The following AK9 variants were observed in gnomAD, a reference collection of about 807,000 sequenced individuals.
AK9 encodes adenylate kinase domain containing 1.
In AK9, 191 loss-of-function variants were observed where a neutral mutation model predicts 239.6. The observed-to-expected ratio is 0.80, with a 90% confidence interval of 0.71 to 0.90. The LOEUF (loss-of-function observed/expected upper bound fraction) is 0.90, where lower values mean the gene tolerates loss of function less well. Among genes scored for constraint, AK9 ranks in the 40% least tolerant of loss-of-function variants. The pLI is 0.00. For synonymous variants in AK9, 689 were observed against 721.0 expected, an observed-to-expected ratio of 0.96 and a Z score of 0.71; for missense variants, 1,995 against 2,214.7, an observed-to-expected ratio of 0.90 and a Z score of 1.99.
At position 109,541,911 on chromosome 6, in the gene AK9, T is replaced by C. The variant is rs1782946002; in HGVS notation, c.3350+136A>G. 4 of 753,980 alleles carry C rather than the reference T, an allele frequency of 5.3e-6. No homozygotes were observed. In the South Asian group the frequency reaches 9.5e-5, roughly 18 times the overall value. 46.7% of individuals were successfully genotyped at this position (753,980 alleles called of 1,614,324 possible). A position where few individuals can be genotyped will look rare whatever the true frequency, so the allele number is the denominator to read the frequency against. On this transcript the variant is annotated intron_variant, in intron 27 of 40. Coordinates refer to ENST00000424296, the MANE Select transcript of AK9 (RefSeq NM_001145128.3). ...ACTCTACAGATGTTTTTAATGTGTA[T>C]CTCAAGTGAAAAATCACCAGCTTAC...
intron 31 of AK9, among the ~76,000 whole-genome samples, chr6:109,514,829 C>T (rs1396091888): frequency 6.6e-6 from 1 of 152,180 alleles, no homozygotes; most frequent in Non-Finnish European, 1.5e-5. Context: ...CCCTTACCTC[C>T]TCAATTTCTG....
chr6:109,501,143 G>T (rs1338314367), intron 35 of AK9, among the ~76,000 whole-genome samples: 2 of 152,184 alleles, frequency 1.3e-5, no homozygotes, highest in Admixed American at 6.5e-5. Context: ...TTCATAAAAA[G>T]ACTGTAAATA....
chr6:109,669,408 A>T (rs1801749120), intron 5 of AK9, among the ~76,000 whole-genome samples: 1 of 152,014 alleles, frequency 6.6e-6, no homozygotes, highest in Admixed American at 6.6e-5. Context: ...TGCCCTGGCC[A>T]GAACTTCCAA....
chr6:109,659,011 C>T (rs1411137771), intron 7 of AK9, among the ~76,000 whole-genome samples: 1 of 152,096 alleles, frequency 6.6e-6, no homozygotes, highest in Admixed American at 6.6e-5. Context: ...AATGTAGAGA[C>T]ACGTCTATGC....
intron 17 of AK9, among the ~76,000 whole-genome samples, chr6:109,604,064 A>G (rs1969711): frequency 0.58 from 88,457 of 151,880 alleles, 27,431 homozygotes; most frequent in East Asian, 0.84. Context: ...TGCTCGGTGC[A>G]CTGCCCCCAC....
At chr6:109,543,594 T>A (rs1412345539) in intron 26 of AK9, among the ~76,000 whole-genome samples, 2 of 151,942 alleles carry the variant, frequency 1.3e-5, no homozygotes, top group Non-Finnish European at 2.9e-5. Flanking sequence ...ATTACAGGCA[T>A]GTGTCACCAC....
chr6:109,656,944 C>A, intron 7 of AK9, 60 bp from the exon 8 acceptor site: 1 of 1,577,466 alleles, frequency 6.3e-7, no homozygotes, highest in South Asian at 1.1e-5. Flanking sequence ...AATTTACAAG[C>A]CATATTCCCC....
chr6:109,674,150 T>C (rs539237450), intron 3 of AK9, 48 bp downstream of exon 3: 52 of 1,425,434 alleles, frequency 3.6e-5, no homozygotes, highest in Middle Eastern at 2.4e-4. Flanking sequence ...TTTATGAATA[T>C]TTGAAAGTTT....
chr6:109,512,596 A>G (rs571522085), intron 32 of AK9, among the ~76,000 whole-genome samples: 6 of 152,198 alleles, frequency 3.9e-5, no homozygotes, highest in Non-Finnish European at 7.4e-5. Context: ...GAAGAGCTGG[A>G]ACATAAAATT....
chr6:109,494,191 T>G (rs1776803813), intron 39 of AK9, 96 bp from the exon 40 acceptor site: 1 of 810,554 alleles, frequency 1.2e-6, no homozygotes. Flanking sequence ...TTTCTTTGCC[T>G]CAAATAGCCC....
In AK9 at chr6:109,546,144, G is replaced by A. The variant is rs755679542; in HGVS notation, c.2965-17C>T. The A allele has an allele frequency of 3.8e-6, 3 of 781,952 alleles. No individual in the cohort carries two copies. Among genetic ancestry groups the A allele is most frequent in the Non-Finnish European group, 3.9e-6 (2 of 508,778 alleles). 48.4% of individuals were successfully genotyped at this position (781,952 alleles called of 1,614,324 possible). ...TGGAGGAGCCTGTCACAGGGGGTGG[G>A]TCAGGGAGGGGTGGGATAAAGGGAG... On this transcript the variant is annotated splice_polypyrimidine_tract_variant and intron_variant, in intron 25 of 40. Transcript: ENST00000424296.
chr6:109,617,863 G>A (rs936250134), intron 13 of AK9, among the ~76,000 whole-genome samples: 7 of 152,108 alleles, frequency 4.6e-5, no homozygotes, highest in African/African-American at 1.7e-4. Context: ...CAGTAAAGAA[G>A]AGCACATTTA....
At chr6:109,660,232 G>A (rs1288456654) in intron 6 of AK9, among the ~76,000 whole-genome samples, 2 of 152,130 alleles carry the variant, frequency 1.3e-5, no homozygotes, top group Non-Finnish European at 2.9e-5. Flanking sequence ...GTTTGAGGTT[G>A]TAAATTGTGC....
At chr6:109,541,004 T>G (rs536357918) in intron 27 of AK9, among the ~76,000 whole-genome samples, 1 of 152,376 alleles carries the variant, frequency 6.6e-6, no homozygotes, top group South Asian at 2.1e-4. Context: ...ATGTGCTACC[T>G]GTTAGAGACC....
intron 17 of AK9, among the ~76,000 whole-genome samples, chr6:109,589,759 G>C (rs556373119): frequency 6.6e-6 from 1 of 151,904 alleles, no homozygotes; most frequent in Non-Finnish European, 1.5e-5. Context: ...GTTGGGTAAG[G>C]GTTTTTATTA....
chr6:109,575,496 T>G (rs1296936210), intron 20 of AK9, among the ~76,000 whole-genome samples: 2 of 152,198 alleles, frequency 1.3e-5, no homozygotes, highest in African/African-American at 2.4e-5. Flanking sequence ...AACTGTCTAT[T>G]CATGTTCTTA....
Position 109,493,240 on chromosome 6 carries a change from C to T in AK9, c.*129G>A. The T allele has an allele frequency of 1.1e-6, 1 of 896,042 alleles. No individual in the cohort carries two copies. Among genetic ancestry groups the T allele is most frequent in the South Asian group, 1.7e-5 (1 of 59,072 alleles). The allele number at this position is 896,042 out of a possible 1,614,324, so 55.5% of individuals were successfully genotyped here. ...ACCTTTGAGTTCACCTGAAGTCTGG[C>T]AGCCATGGTACCTTGCTCAGGAGGC... On this transcript the variant is annotated 3_prime_UTR_variant, in exon 41 of 41. Transcript: ENST00000424296.
In AK9 at chr6:109,533,242, GATAC is replaced by G. The variant is rs1314339946; in HGVS notation, c.3570+5_3570+8del. 1 of 1,585,022 alleles carries G rather than the reference GATAC, an allele frequency of 6.3e-7. No individual in the cohort carries two copies. Among genetic ancestry groups the G allele is most frequent in the South Asian group, 1.2e-5 (1 of 85,492 alleles). The stretch of plus-strand genomic sequence containing the variant: ...AGATTTATTCAATGCATTTTTGCTA[GATAC>G]ATACCCTGATTTTTGCCTTCATGTC... On this transcript the variant is annotated splice_donor_5th_base_variant and intron_variant, in intron 28 of 40. Transcript: ENST00000424296.
intron 3 of AK9, 66 bp downstream of exon 3, chr6:109,674,132 A>G (rs1771346140): frequency 3.0e-6 from 4 of 1,327,800 alleles, no homozygotes; most frequent in South Asian, 1.4e-5. Context: ...CTGTATAATT[A>G]TCTCCATTTT....
Sources: allele counts gnomAD v4.1 joint callset (sites outside exome capture counted in the v4.1 genomes callset), GRCh38; gene constraint gnomAD v4.1.1; transcripts MANE v1.5; gene names NCBI Gene and HGNC (gene_info 2026-07-23, HGNC 2026-07-21).